Variants in DGKH observed in about 807,000 individuals in gnomAD.
The protein encoded by DGKH is DAG kinase eta.
A neutral mutation model predicts 159.3 loss-of-function variants in DGKH; 90 were observed. That is an observed-to-expected ratio of 0.57 (90% CI 0.48 to 0.67). DGKH has a LOEUF of 0.67. Ranked by LOEUF, DGKH falls within the 30% of genes least tolerant of loss-of-function variation. The pLI is 0.00. For missense variants in DGKH, 1,181 were observed against 1,506.1 expected (o/e 0.78, Z 3.57); for synonymous variants, 536 against 553.8 (o/e 0.97, Z 0.45).
Position 42,198,595 on chromosome 13 carries a change from T to C in DGKH, c.2285T>C (p.Val762Ala). The change falls in exon 18 of 30, where the codon GTA (valine) becomes GCA (alanine). Residue 762 changes from valine (V) to alanine (A), a missense_variant and splice_region_variant. Coordinates refer to ENST00000337343, the MANE Select transcript of DGKH (RefSeq NM_178009.5). Reference sequence around the variant, plus strand: ...TTTATTGACCCGGATCTAGATTCCGTGTAAGAAAATGCTTTTGCAAATATT... The same window carrying C: ...TTTATTGACCCGGATCTAGATTCCGCGTAAGAAAATGCTTTTGCAAATATT... ...TPFIDPDLDS[V>A]DGYSEKCVMN... 1 of 1,604,700 alleles carries C rather than the reference T, an allele frequency of 6.2e-7. No individual in the cohort carries two copies. Among genetic ancestry groups the C allele is most frequent in the Non-Finnish European group, 8.5e-7 (1 of 1,176,314 alleles).
chr13:42,153,070 T>A (rs1382458266), intron 3 of DGKH, among the ~76,000 whole-genome samples: 1 of 152,150 alleles, frequency 6.6e-6, no homozygotes, highest in Admixed American at 6.5e-5. Flanking sequence ...AAAACGTAAC[T>A]GTATTAAGTG....
intron 1 of DGKH, among the ~76,000 whole-genome samples, chr13:42,085,901 T>C (rs1954291690): frequency 6.6e-6 from 1 of 152,124 alleles, no homozygotes; most frequent in Admixed American, 6.6e-5. Context: ...ATGATGTCTG[T>C]ATTTTTATCT....
intron 23 of DGKH, 83 bp from the exon 24 acceptor site, chr13:42,210,519 A>G (rs1451001399): frequency 7.5e-7 from 1 of 1,335,414 alleles, no homozygotes; most frequent in African/African-American, 1.5e-5. Context: ...GAGAAAAAGC[A>G]ATTGTAGTTT....
At chr13:42,073,153 T>G (rs1233048083) in intron 1 of DGKH, among the ~76,000 whole-genome samples, 1 of 152,244 alleles carries the variant, frequency 6.6e-6, no homozygotes, top group Non-Finnish European at 1.5e-5. Context: ...TGTTCATCCT[T>G]CTCTTTGCTA....
intron 24 of DGKH, among the ~76,000 whole-genome samples, chr13:42,211,733 C>G (rs1957662593): frequency 6.6e-6 from 1 of 152,020 alleles, no homozygotes; most frequent in Non-Finnish European, 1.5e-5. Context: ...TTAATAGACT[C>G]ACAGCTCCAC....
intron 26 of DGKH, 79 bp from the exon 27 acceptor site, chr13:42,219,151 C>A: frequency 6.4e-7 from 1 of 1,557,436 alleles, no homozygotes; most frequent in Non-Finnish European, 8.7e-7. Flanking sequence ...TGTTCACTGT[C>A]AAAGTACAAT....
At chr13:42,070,047 G>C (rs1410401801) in intron 1 of DGKH, 11 of 924,626 alleles carry the variant, frequency 1.2e-5, no homozygotes, top group Non-Finnish European at 3.6e-6. Flanking sequence ...AAATGTGACT[G>C]TGAGTTTCAT....
At position 42,219,335 on chromosome 13, in the gene DGKH, C is replaced by T; in HGVS notation, c.3319C>T (p.Pro1107Ser). The T allele has an allele frequency of 6.2e-7, 1 of 1,613,720 alleles. No individual in the cohort carries two copies. The highest frequency in any genetic ancestry group is 8.5e-7 in the Non-Finnish European group (1 of 1,179,790). ...TCCTTGGCTTTATTATATCTTACAC[C>T]CAAATGAGGATGAGGTATGTAAAAT... The part of the protein sequence containing the change: ...EIPWLYYILH[P>S]NEDEEPPMDC... The change falls in exon 27 of 30, where the codon CCA becomes TCA. Residue 1107 changes from proline (P) to serine (S), a missense_variant. Coordinates refer to ENST00000337343, the MANE Select transcript of DGKH (RefSeq NM_178009.5).
At chr13:42,077,839 G>A (rs1954128713) in intron 1 of DGKH, among the ~76,000 whole-genome samples, 1 of 152,186 alleles carries the variant, frequency 6.6e-6, no homozygotes, top group African/African-American at 2.4e-5. Context: ...AGCTGCAAGG[G>A]TAGTTTGGGG....
At chr13:42,214,408 A>T in intron 24 of DGKH, 99 bp from the exon 25 acceptor site, 1 of 1,121,922 alleles carries the variant, frequency 8.9e-7, no homozygotes, top group South Asian at 1.7e-5. Context: ...TGATCTTCAT[A>T]TATTTTTTAC....
intron 21 of DGKH, among the ~76,000 whole-genome samples, chr13:42,207,372 T>C (rs1957532855): frequency 6.6e-6 from 1 of 151,362 alleles, no homozygotes; most frequent in South Asian, 2.1e-4. Context: ...GCATTTTTAG[T>C]AGAGACGGGG....
chr13:42,107,159 T>C (rs1268052030), intron 1 of DGKH, among the ~76,000 whole-genome samples: 3 of 152,272 alleles, frequency 2.0e-5, no homozygotes, highest in African/African-American at 7.2e-5. Flanking sequence ...GAGTGAGCTC[T>C]GCTTGAGTGA....
intron 30 of DGKH, chr13:42,255,957 A>G (rs1415199824): frequency 6.2e-7 from 1 of 1,608,604 alleles, no homozygotes; most frequent in Non-Finnish European, 8.5e-7. Flanking sequence ...GCTGCTCATG[A>G]CGCTCTGGTT....
chr13:42,065,321 A>C (rs751276853), intron 1 of DGKH, among the ~76,000 whole-genome samples: 2 of 152,222 alleles, frequency 1.3e-5, no homozygotes, highest in African/African-American at 4.8e-5. Context: ...AAGATTCCAC[A>C]GTAGGAAGGG....
intron 24 of DGKH, among the ~76,000 whole-genome samples, chr13:42,213,921 T>A (rs1454866508): frequency 1.3e-5 from 2 of 152,188 alleles, no homozygotes; most frequent in African/African-American, 2.4e-5. Context: ...ACAACAGGCT[T>A]TGGAGTTAAA....
At chr13:42,219,577 C>G in intron 27 of DGKH, 109 bp from the exon 28 acceptor site, 1 of 1,224,176 alleles carries the variant, frequency 8.2e-7, no homozygotes, top group South Asian at 1.5e-5. Flanking sequence ...TATCACTGTT[C>G]TATAATGTTT....
intron 29 of DGKH, among the ~76,000 whole-genome samples, chr13:42,249,024 G>T (rs550870663): frequency 6.6e-6 from 1 of 152,126 alleles, no homozygotes; most frequent in East Asian, 1.9e-4. Flanking sequence ...TAACAAAATA[G>T]CACTTATGTA....
At chr13:42,094,325 A>T (rs1216471359) in intron 1 of DGKH, among the ~76,000 whole-genome samples, 2 of 152,240 alleles carry the variant, frequency 1.3e-5, no homozygotes, top group African/African-American at 4.8e-5. Context: ...AACTCTGATG[A>T]TACTTTTAAA....
At chr13:42,154,982 A>T (rs1011298185) in intron 3 of DGKH, among the ~76,000 whole-genome samples, 2 of 152,198 alleles carry the variant, frequency 1.3e-5, no homozygotes, top group Non-Finnish European at 2.9e-5. Context: ...GCTTACTATG[A>T]ATTATTTTGA....
Sources: gnomAD v4.1 joint callset for allele counts (sites outside exome capture counted in the v4.1 genomes callset) on GRCh38, gnomAD v4.1.1 for gene constraint, MANE v1.5 for transcripts, NCBI Gene and HGNC (gene_info 2026-07-23, HGNC 2026-07-21) for gene names.